NAV2: variants seen among roughly 807,000 people sequenced by gnomAD.
NAV2 encodes the protein neuron navigator 2.
Under a neutral mutation model 223.2 loss-of-function variants are expected in NAV2, and 54 were observed. The ratio of observed to expected loss-of-function variants is 0.24; its 90% CI spans 0.19 to 0.30. The LOEUF (loss-of-function observed/expected upper bound fraction) is 0.30. Among genes scored for constraint, NAV2 ranks in the 10% least tolerant of loss-of-function variants. The probability of loss-of-function intolerance (pLI) is 1.00; values close to 1 mark genes in which losing one functional copy is unlikely to be tolerated. For synonymous variants in NAV2, 1,279 were observed against 1,239.3 expected (o/e 1.03, Z -0.67); for missense variants, 2,806 against 3,147.5 (o/e 0.89, Z 2.60).
intron 1 of NAV2, among the ~76,000 whole-genome samples, chr11:19,822,230 T>A (rs1234365831): frequency 6.6e-6 from 1 of 152,164 alleles, no homozygotes; most frequent in Non-Finnish European, 1.5e-5. Context: ...GGCAACTGAG[T>A]CTCAGATAGG....
intron 1 of NAV2, among the ~76,000 whole-genome samples, chr11:19,754,878 AG>A (rs2054115837): frequency 6.6e-6 from 1 of 152,124 alleles, no homozygotes; most frequent in Admixed American, 6.5e-5. Flanking sequence ...CGTGGTATGG[AG>A]GAGTGTTGCT....
rs150311484 is a variant in NAV2, at chr11:19,849,528, G to A, written c.438+6605G>A. 3.4e-3 allele frequency among the ~76,000 whole-genome samples: 518 copies of A among 152,300 alleles called. 13 individuals are homozygous for A. The highest frequency in any genetic ancestry group is 2.0e-3 in the Non-Finnish European group (135 of 68,026). On this transcript the variant is annotated intron_variant, in intron 3 of 37. Transcript: ENST00000349880. ...TACCTCTCTGGCTACATTCTCTCCAGAGCCTCCTGGGCCAGGAAAAGGCCA... is the reference window on the plus strand; with the variant it reads ...TACCTCTCTGGCTACATTCTCTCCAAAGCCTCCTGGGCCAGGAAAAGGCCA...
At chr11:19,863,508 T>G (rs1036175629) in intron 3 of NAV2, among the ~76,000 whole-genome samples, 3 of 152,158 alleles carry the variant, frequency 2.0e-5, no homozygotes, top group African/African-American at 7.2e-5. Context: ...TAAACAAATA[T>G]TCTTGAGTAG....
chr11:19,962,622 C>T (rs1015281630), intron 10 of NAV2, among the ~76,000 whole-genome samples: 8 of 152,184 alleles, frequency 5.3e-5, no homozygotes, highest in East Asian at 1.9e-4. Context: ...TCCCTTCCTT[C>T]GTCCCCTGGG....
At chr11:19,742,060 T>C (rs1185884456) in intron 1 of NAV2, among the ~76,000 whole-genome samples, 1 of 152,172 alleles carries the variant, frequency 6.6e-6, no homozygotes, top group Non-Finnish European at 1.5e-5. Context: ...TAAGGTAATA[T>C]CTGCATCTCA....
At chr11:19,818,402 G>A (rs1217891294) in intron 1 of NAV2, among the ~76,000 whole-genome samples, 2 of 151,742 alleles carry the variant, frequency 1.3e-5, no homozygotes, top group Non-Finnish European at 2.9e-5. Context: ...CTCTGAGCTG[G>A]GAAGAGATGT....
intron 1 of NAV2, among the ~76,000 whole-genome samples, chr11:19,526,399 A>C (rs1389136075): frequency 6.7e-6 from 1 of 150,082 alleles, no homozygotes; most frequent in Non-Finnish European, 1.5e-5. Flanking sequence ...GCTAATTCCA[A>C]CTCTGCATTT....
chr11:19,349,203 C>G (rs1853155700), upstream of NAV2, among the ~76,000 whole-genome samples: 1 of 152,238 alleles, frequency 6.6e-6, no homozygotes, highest in Non-Finnish European at 1.5e-5. Context: ...TGGGAATTCA[C>G]TTGCAGAAAT....
At chr11:19,889,851 G>C (rs933696398) in intron 5 of NAV2, among the ~76,000 whole-genome samples, 7 of 152,204 alleles carry the variant, frequency 4.6e-5, no homozygotes, top group Non-Finnish European at 7.3e-5. Context: ...CTAGGGAGAT[G>C]ATGAGCCCTG....
At chr11:19,774,619 G>C (rs1168004762) in intron 1 of NAV2, among the ~76,000 whole-genome samples, 1 of 152,148 alleles carries the variant, frequency 6.6e-6, no homozygotes, top group Non-Finnish European at 1.5e-5. Context: ...CATACACACA[G>C]AGAGAGACAC....
At chr11:19,399,037 C>T (rs1172338982) in intron 1 of NAV2, among the ~76,000 whole-genome samples, 3 of 152,142 alleles carry the variant, frequency 2.0e-5, no homozygotes, top group Admixed American at 6.5e-5. Context: ...TGGTCACTTT[C>T]GGTTAAAAGA....
chr11:19,627,879 G>T (rs1590722418), intron 1 of NAV2, among the ~76,000 whole-genome samples: 2 of 140,770 alleles, frequency 1.4e-5, no homozygotes, highest in South Asian at 4.5e-4. Context: ...CCTTGGACAA[G>T]TTCCTCAACC....
At chr11:19,926,653 AAC>A (rs1419944889) in intron 6 of NAV2, among the ~76,000 whole-genome samples, 6 of 142,390 alleles carry the variant, frequency 4.2e-5, no homozygotes, top group Admixed American at 7.0e-5. Context: ...AAAAAAAAAA[AAC>A]AAAAAAAACT....
intron 1 of NAV2, among the ~76,000 whole-genome samples, chr11:19,796,820 T>A (rs1295565866): frequency 6.6e-6 from 1 of 152,246 alleles, no homozygotes; most frequent in African/African-American, 2.4e-5. Flanking sequence ...GTGGCCTTGC[T>A]GGTACTTGCT....
At chr11:20,055,463 C>A (rs995389690) in intron 18 of NAV2, among the ~76,000 whole-genome samples, 1 of 152,158 alleles carries the variant, frequency 6.6e-6, no homozygotes, top group African/African-American at 2.4e-5. Context: ...TAGAGAAAAT[C>A]ATTCCAGATG....
chr11:19,933,271 A>T lies in NAV2; in HGVS notation c.1027A>T (p.Ser343Cys). The stretch of plus-strand genomic sequence containing the variant: ...CAGCAGCTCCACCCCTACTAATTGC[A>T]GTACCTCCTCGGCCATCCCGCAGCC... ...SGSSSTPTNC[S>C]TSSAIPQPGA... Residue 343 changes from serine to cysteine, a missense_variant, in exon 7 of 38, where the codon AGT (serine) becomes TGT (cysteine). Ser to Cys is a moderately radical substitution (Grantham distance 112). Transcript: ENST00000349880. The surrounding 1 kb of genome is among the most constrained non-coding windows in gnomAD (Gnocchi z 4.3). 6.2e-7 allele frequency: 1 copy of T among 1,612,808 alleles called. No individual in the cohort carries two copies. Among genetic ancestry groups the T allele is most frequent in the Non-Finnish European group, 8.5e-7 (1 of 1,179,416 alleles).
chr11:19,457,894 G>A (rs1230021704), intron 1 of NAV2, among the ~76,000 whole-genome samples: 4 of 152,164 alleles, frequency 2.6e-5, no homozygotes, highest in African/African-American at 9.7e-5. Flanking sequence ...AAGAATTGAA[G>A]AGAATGAGGC....
At chr11:19,536,103 C>T (rs867732009) in intron 1 of NAV2, among the ~76,000 whole-genome samples, 1 of 152,182 alleles carries the variant, frequency 6.6e-6, no homozygotes, top group South Asian at 2.1e-4. Flanking sequence ...GGCAATGTTA[C>T]GTGCCAAGTC....
chr11:19,813,000 T>G (rs1249542583), intron 1 of NAV2, among the ~76,000 whole-genome samples: 2 of 152,046 alleles, frequency 1.3e-5, no homozygotes, highest in African/African-American at 4.8e-5. Context: ...ACTCATTCCC[T>G]TGTTGGAATC....
Sources: allele counts gnomAD v4.1 joint callset (sites outside exome capture counted in the v4.1 genomes callset), GRCh38; gene constraint gnomAD v4.1.1; non-coding constraint Gnocchi (gnomAD v3.1); transcripts MANE v1.5; gene names NCBI Gene and HGNC (gene_info 2026-07-23, HGNC 2026-07-21).